Variants in NRIP3 observed in about 807,000 individuals in gnomAD.
NRIP3 encodes the protein nuclear receptor-interacting protein 3.
In NRIP3, 31 loss-of-function variants were observed where a neutral mutation model predicts 29.0. The ratio of observed to expected loss-of-function variants is 1.07; its 90% CI spans 0.80 to 1.44. The LOEUF (loss-of-function observed/expected upper bound fraction) is 1.44. NRIP3 is among the 40% of genes most tolerant of loss of function. The pLI is 0.00. For synonymous variants in NRIP3, 131 were observed against 118.3 expected (o/e 1.11, Z -0.70); for missense variants, 314 against 297.9 (o/e 1.05, Z -0.40).
intron 1 of NRIP3, among the ~76,000 whole-genome samples, chr11:9,003,517 T>G (rs1204482805): frequency 1.3e-5 from 2 of 152,138 alleles, no homozygotes; most frequent in Admixed American, 6.5e-5. Flanking sequence ...TTCTTTCTAC[T>G]GGAGAAGAGA....
intron 6 of NRIP3, 58 bp from the exon 7 acceptor site, chr11:8,983,618 G>C: frequency 6.4e-7 from 1 of 1,550,460 alleles, no homozygotes; most frequent in East Asian, 2.3e-5. Flanking sequence ...AAGTTAAGCT[G>C]AAGGCAAGTA....
intron 1 of NRIP3, among the ~76,000 whole-genome samples, chr11:9,000,656 T>G (rs892289384): frequency 3.9e-5 from 6 of 152,156 alleles, no homozygotes; most frequent in Non-Finnish European, 8.8e-5. Context: ...TTTTAAAAAT[T>G]AAAAAGTCCT....
chr11:8,997,559 G>A (rs556688596), intron 1 of NRIP3, among the ~76,000 whole-genome samples: 4 of 152,240 alleles, frequency 2.6e-5, no homozygotes, highest in Admixed American at 2.6e-4. Flanking sequence ...AAATGTGGCT[G>A]CTAGAGGCAT....
intron 1 of NRIP3, among the ~76,000 whole-genome samples, chr11:8,999,469 TA>T (rs1223237839): frequency 6.6e-6 from 1 of 152,212 alleles, no homozygotes; most frequent in African/African-American, 2.4e-5. Context: ...AAATAAGTCG[TA>T]TGTATCATAT....
Position 8,981,466 on chromosome 11 carries a change from TAAA to T in NRIP3, c.*2076_*2078del, listed in dbSNP as rs11449384. The T allele has an allele frequency of 7.8e-5, 9 of 114,918 alleles. No homozygotes were observed. The highest frequency in any genetic ancestry group is 9.4e-5 in the Admixed American group (1 of 10,644). 7.1% of individuals were successfully genotyped at this position (114,918 alleles called of 1,614,324 possible). ...CTGGGCAACAGAGTGAGACTCTGTC[TAAA>T]AAAAAAAAAAAAAAAAGAATAAACC... On this transcript the variant is annotated 3_prime_UTR_variant, in exon 7 of 7. Transcript: ENST00000309166.
chr11:8,998,987 T>C (rs1453872510), intron 1 of NRIP3, among the ~76,000 whole-genome samples: 1 of 151,944 alleles, frequency 6.6e-6, no homozygotes, highest in Non-Finnish European at 1.5e-5. Flanking sequence ...TATTTTTTAG[T>C]AGAGATGGGG....
At chr11:8,993,681 C>T (rs552034360) in intron 1 of NRIP3, among the ~76,000 whole-genome samples, 49 of 151,788 alleles carry the variant, frequency 3.2e-4, no homozygotes, top group Non-Finnish European at 5.6e-4. Flanking sequence ...TGGTAGTGCA[C>T]GCCTGTAGCC....
chr11:8,991,577 AAAG>A (rs2034867644), intron 1 of NRIP3, among the ~76,000 whole-genome samples: 1 of 152,216 alleles, frequency 6.6e-6, no homozygotes, highest in Non-Finnish European at 1.5e-5. Context: ...AAAGAACAAT[AAAG>A]AAGAAAAAAA....
intron 1 of NRIP3, among the ~76,000 whole-genome samples, chr11:8,992,685 C>T (rs1312278406): frequency 2.0e-5 from 3 of 151,998 alleles, no homozygotes; most frequent in Non-Finnish European, 2.9e-5. Flanking sequence ...CTGAGGTGGG[C>T]GGATCACGAG....
chr11:8,984,164 C>G (rs1371397763), intron 4 of NRIP3, 40 bp from the exon 5 acceptor site: 1 of 1,445,124 alleles, frequency 6.9e-7, no homozygotes, highest in Non-Finnish European at 9.7e-7. Flanking sequence ...TAGCCATTTC[C>G]ATGCTTGCTT....
Position 8,983,889 on chromosome 11 carries a change from A to G in NRIP3, c.696T>C (p.Ser232=). ...KEEIPFVETV[S]LNEDNTSEA is the part of the protein sequence containing the mutation. ...TGGGCACTCACTTGTCTTCATTCAA[A>G]GAGACTGTCTCCACAAAAGGGATTT... is the stretch of plus-strand genomic sequence containing the variant. The change falls in exon 6 of 7, where the codon TCT becomes TCC. Residue 232 remains serine, a synonymous_variant. Transcript: ENST00000309166. The G allele has an allele frequency of 6.2e-7, 1 of 1,614,122 alleles. No individual in the cohort carries two copies. The highest frequency in any genetic ancestry group is 8.5e-7 in the Non-Finnish European group (1 of 1,179,954).
At chr11:8,985,105 C>A (rs1256472808) in intron 4 of NRIP3, among the ~76,000 whole-genome samples, 1 of 151,800 alleles carries the variant, frequency 6.6e-6, no homozygotes, top group Non-Finnish European at 1.5e-5. Flanking sequence ...CCCGCCTTGG[C>A]CCCCCAAAGT....
chr11:9,001,526 C>T (rs1186303931), intron 1 of NRIP3, among the ~76,000 whole-genome samples: 1 of 152,166 alleles, frequency 6.6e-6, no homozygotes, highest in Non-Finnish European at 1.5e-5. Flanking sequence ...TCTTGGACTC[C>T]TTCTATCGAG....
chr11:8,985,667 G>A (rs375959151), intron 4 of NRIP3, 44 bp downstream of exon 4: 2 of 1,593,410 alleles, frequency 1.3e-6, no homozygotes, highest in Non-Finnish European at 1.7e-6. Context: ...GTAGGGAGAG[G>A]GTTTCCGTTA....
At chr11:8,999,729 T>G (rs1854765079) in intron 1 of NRIP3, among the ~76,000 whole-genome samples, 1 of 152,122 alleles carries the variant, frequency 6.6e-6, no homozygotes, top group African/African-American at 2.4e-5. Context: ...GACACCTCAG[T>G]CCTTTGCACT....
chr11:8,992,527 G>A (rs1379562962), intron 1 of NRIP3, among the ~76,000 whole-genome samples: 1 of 152,150 alleles, frequency 6.6e-6, no homozygotes, highest in African/African-American at 2.4e-5. Flanking sequence ...AAGAGAAAAA[G>A]ATGATCAAAA....
chr11:9,002,608 A>AG (rs996217932), intron 1 of NRIP3, among the ~76,000 whole-genome samples: 1 of 149,732 alleles, frequency 6.7e-6, no homozygotes, highest in African/African-American at 2.4e-5. Context: ...AAAAAAAAAA[A>AG]AAAAAAAAAA....
intron 1 of NRIP3, among the ~76,000 whole-genome samples, chr11:8,998,778 C>T (rs1257011826): frequency 6.8e-6 from 1 of 146,752 alleles, no homozygotes; most frequent in Non-Finnish European, 1.5e-5. Context: ...AAAAATCAAA[C>T]TCTTCATTTT....
At chr11:8,997,611 G>A (rs910129699) in intron 1 of NRIP3, among the ~76,000 whole-genome samples, 1 of 145,544 alleles carries the variant, frequency 6.9e-6, no homozygotes, top group East Asian at 2.0e-4. Context: ...TGCCTCCATC[G>A]CCATCAAGAG....
Sources: allele counts gnomAD v4.1 joint callset (sites outside exome capture counted in the v4.1 genomes callset), GRCh38; gene constraint gnomAD v4.1.1; transcripts MANE v1.5; gene names NCBI Gene and HGNC (gene_info 2026-07-23, HGNC 2026-07-21).